FHAD1: variants seen among roughly 807,000 people sequenced by gnomAD.
FHAD1 encodes forkhead associated phosphopeptide binding domain 1.
A neutral mutation model predicts 191.3 loss-of-function variants in FHAD1; 146 were observed. The observed-to-expected ratio is 0.76, with a 90% CI of 0.67 to 0.88. The LOEUF (loss-of-function observed/expected upper bound fraction) is 0.88. Among genes scored for constraint, FHAD1 ranks in the 40% least tolerant of loss-of-function variants. The probability of loss-of-function intolerance (pLI) is 0.00; values close to 1 mark genes in which losing one functional copy is unlikely to be tolerated. For synonymous variants in FHAD1, 616 were observed against 672.3 expected (o/e 0.92, Z 1.29); for missense variants, 1,635 against 1,785.8 (o/e 0.92, Z 1.52).
rs144443100 is a variant in FHAD1, at chr1:15,258,407, C to T, written c.93+6530C>T. Among the ~76,000 whole-genome samples, 158 of 152,288 alleles carry T rather than the reference C, an allele frequency of 1.0e-3. 3 individuals carry two copies. The highest frequency in any genetic ancestry group is 6.4e-3 in the East Asian group (33 of 5,184). On this transcript the variant is annotated intron_variant, in intron 2 of 33. Transcript: ENST00000688493. ...TTGGCATAATGTTCTTAAGGTTCCT[C>T]TGTGGCAGCATGTGTCAGAGTTCCC...
At chr1:15,324,654 A>G in intron 11 of FHAD1, 95 bp downstream of exon 11, 2 of 844,212 alleles carry the variant, frequency 2.4e-6, no homozygotes, top group Non-Finnish European at 2.0e-6. Context: ...CGCCCAAGGT[A>G]GAAAGACAGA....
intron 2 of FHAD1, among the ~76,000 whole-genome samples, chr1:15,266,690 A>C (rs1449309295): frequency 6.6e-6 from 1 of 152,232 alleles, no homozygotes; most frequent in African/African-American, 2.4e-5. Flanking sequence ...TCACCAATAT[A>C]GAATCATACA....
Position 15,329,194 on chromosome 1 carries a change from T to G in FHAD1, c.1711-152T>G. ...AAAACCTGTCAAAACATAAAAATTT[T>G]AAAAAAGAAAAAAACTGAGTCCTCC... On this transcript the variant is annotated intron_variant, in intron 13 of 33. Coordinates refer to ENST00000688493, the MANE Select transcript of FHAD1 (RefSeq NM_001391957.1). This position sits in a 1 kb window ranked among gnomAD's most constrained non-coding sequence, Gnocchi z 5.0. 1 of 583,320 alleles carries G rather than the reference T, an allele frequency of 1.7e-6. No homozygotes were observed. The allele number at this position is 583,320 out of a possible 1,614,324, so 36.1% of individuals were successfully genotyped here.
chr1:15,322,369 T>C (rs546551119), intron 10 of FHAD1, among the ~76,000 whole-genome samples: 2 of 152,370 alleles, frequency 1.3e-5, no homozygotes, highest in African/African-American at 4.8e-5. Context: ...CTAGAAATTA[T>C]TATGCCCATT....
Position 15,313,002 on chromosome 1 carries a change from C to T in FHAD1, c.1040-55C>T, listed in dbSNP as rs556661286. On this transcript the variant is annotated intron_variant, in intron 7 of 33. Coordinates refer to ENST00000688493, the MANE Select transcript of FHAD1 (RefSeq NM_001391957.1). ...GTCACAAACTGGTTGACAGCGGCAGCGATGACAGTCATCCTCACTGCCTCT... is the reference window on the plus strand; with the variant it reads ...GTCACAAACTGGTTGACAGCGGCAGTGATGACAGTCATCCTCACTGCCTCT... 1.3e-4 allele frequency: 197 copies of T among 1,540,008 alleles called. No homozygotes were observed. The African/African-American group carries it at 2.4e-3, about 18-fold the overall frequency.
intron 33 of FHAD1, among the ~76,000 whole-genome samples, chr1:15,394,088 G>T (rs1426626042): frequency 6.6e-6 from 1 of 152,140 alleles, no homozygotes; most frequent in Non-Finnish European, 1.5e-5. Flanking sequence ...TCATTCTAAG[G>T]GTGAGGCACG....
chr1:15,302,569 C>CA (rs1269298969), intron 6 of FHAD1, among the ~76,000 whole-genome samples: 1 of 151,986 alleles, frequency 6.6e-6, no homozygotes, highest in Admixed American at 6.6e-5. Context: ...ACTAAAAATA[C>CA]AAAAAATTAG....
At chr1:15,388,161 C>A in intron 32 of FHAD1, 30 bp downstream of exon 32, 1 of 1,251,812 alleles carries the variant, frequency 8.0e-7, no homozygotes, top group Non-Finnish European at 1.0e-6. Context: ...GTTGCAGACA[C>A]AGAGTAGAGA....
chr1:15,256,241 A>T (rs1234140145), intron 2 of FHAD1, among the ~76,000 whole-genome samples: 2 of 152,148 alleles, frequency 1.3e-5, no homozygotes, highest in African/African-American at 2.4e-5. Context: ...CATGTGCATG[A>T]GTGTGATTGT....
intron 5 of FHAD1, among the ~76,000 whole-genome samples, chr1:15,300,109 C>G (rs1175151429): frequency 6.6e-6 from 1 of 152,116 alleles, no homozygotes; most frequent in Non-Finnish European, 1.5e-5. Flanking sequence ...CTATGAATCA[C>G]ATCGGGGAAT....
At chr1:15,324,773 T>G in intron 11 of FHAD1, 1 of 563,022 alleles carries the variant, frequency 1.8e-6, no homozygotes, top group Non-Finnish European at 3.2e-6. Flanking sequence ...CCCACTCGAA[T>G]AGTTTACGAT....
intron 2 of FHAD1, among the ~76,000 whole-genome samples, chr1:15,271,620 C>CACATGGGAAATAACTAATT (rs1553233844): frequency 2.0e-5 from 3 of 151,692 alleles, no homozygotes; most frequent in South Asian, 2.1e-4. Context: ...AATAACTAAT[C>CACATGGGAAATAACTAATT]GCATGGGAAA....
chr1:15,313,097 T>C lies in FHAD1; in HGVS notation c.1080T>C (p.Asp360=), dbSNP rs1342951877. ...TGCAAAAAGACATATTAGCAAAGGATGAGCAAGTTCAACAACTAAAGGAAG... is the reference window on the plus strand; with the variant it reads ...TGCAAAAAGACATATTAGCAAAGGACGAGCAAGTTCAACAACTAAAGGAAG... ...SSLQKDILAK[D]EQVQQLKEEV... Residue 360 remains aspartate (D), a synonymous_variant, in exon 8 of 34, where the codon GAT becomes GAC. Coordinates refer to ENST00000688493, the MANE Select transcript of FHAD1 (RefSeq NM_001391957.1). 7 of 1,551,680 alleles carry C rather than the reference T, an allele frequency of 4.5e-6. No individual in the cohort carries two copies. The East Asian group carries it at 1.5e-4, about 32-fold the overall frequency.
intron 33 of FHAD1, among the ~76,000 whole-genome samples, chr1:15,394,415 T>G (rs535983296): frequency 8.5e-5 from 13 of 152,280 alleles, no homozygotes; most frequent in African/African-American, 3.1e-4. Flanking sequence ...TAAGGGTTGT[T>G]TAGGGGGGAA....
At chr1:15,244,228 C>T (rs1645730226), upstream of FHAD1, among the ~76,000 whole-genome samples, 1 of 152,146 alleles carries the variant, frequency 6.6e-6, no homozygotes, top group Non-Finnish European at 1.5e-5. This position sits in a 1 kb window ranked among gnomAD's most constrained non-coding sequence, Gnocchi z 5.1. Flanking sequence ...ACTTTGCACA[C>T]CCTTGAGATA....
rs991297090 is a variant in FHAD1, at chr1:15,318,346, C to T, written c.1365+418C>T. 2.6e-5 allele frequency among the ~76,000 whole-genome samples: 4 copies of T among 152,212 alleles called. No homozygotes were observed. Among genetic ancestry groups the T allele is most frequent in the African/African-American group, 9.6e-5 (4 of 41,454 alleles). On this transcript the variant is annotated intron_variant, in intron 10 of 33. Transcript: ENST00000688493. This position sits in a 1 kb window ranked among gnomAD's most constrained non-coding sequence, Gnocchi z 4.1. ...GCCACTAACCGCGCATGGCTATTTA[C>T]ATTTAAATTAAAGCCGGTAGCTCAC... is the stretch of plus-strand genomic sequence containing the variant.
upstream of FHAD1, among the ~76,000 whole-genome samples, chr1:15,243,890 C>A (rs10927747): frequency 0.21 from 32,185 of 152,076 alleles, 3,681 homozygotes; most frequent in Middle Eastern, 0.27. Context: ...ACATTCATCT[C>A]GATTCAAATC....
Position 15,320,173 on chromosome 1 carries a change from T to C in FHAD1, c.1365+2245T>C, listed in dbSNP as rs78625828. On this transcript the variant is annotated intron_variant, in intron 10 of 33. Coordinates refer to ENST00000688493, the MANE Select transcript of FHAD1 (RefSeq NM_001391957.1). ...TATGAGGGTTTTCTGCTTACCTTTT[T>C]TGTTACTGATTTTTAGCTTAATTAC... Among the ~76,000 whole-genome samples, 629 of 152,350 alleles carry C rather than the reference T, an allele frequency of 4.1e-3. 4 individuals are homozygous for C. Among genetic ancestry groups the C allele is most frequent in the African/African-American group, 0.015 (604 of 41,578 alleles).
chr1:15,402,336 A>C (rs931179210), downstream of FHAD1, among the ~76,000 whole-genome samples: 3 of 152,086 alleles, frequency 2.0e-5, no homozygotes, highest in Admixed American at 1.3e-4. Context: ...TTTTTTTTAA[A>C]ATTTTTTTAT....
Sources: gnomAD v4.1 joint callset for allele counts (sites outside exome capture counted in the v4.1 genomes callset) on GRCh38, gnomAD v4.1.1 for gene constraint, Gnocchi (gnomAD v3.1) non-coding constraint, MANE v1.5 for transcripts, NCBI Gene and HGNC (gene_info 2026-07-23, HGNC 2026-07-21) for gene names.